The following BTBD9 variants were observed in gnomAD, a reference collection of about 807,000 sequenced individuals.
BTBD9 encodes BTB/POZ domain-containing protein 9.
Under a neutral mutation model 64.3 loss-of-function variants are expected in BTBD9, and 49 were observed. The observed-to-expected ratio is 0.76, with a 90% confidence interval of 0.61 to 0.97. BTBD9 has a LOEUF of 0.97. BTBD9 is among the 50% of genes least tolerant of loss of function. The probability of loss-of-function intolerance (pLI) is 0.00; values close to 1 mark genes in which losing one functional copy is unlikely to be tolerated. For synonymous variants in BTBD9, 260 were observed against 274.7 expected, an observed-to-expected ratio of 0.95 and a Z score of 0.53; for missense variants, 598 against 762.1, an observed-to-expected ratio of 0.78 and a Z score of 2.53.
intron 8 of BTBD9, among the ~76,000 whole-genome samples, chr6:38,276,346 T>G (rs1316432071): frequency 4.0e-5 from 5 of 123,578 alleles, no homozygotes; most frequent in East Asian, 3.1e-4. Flanking sequence ...CGGGGACTGT[T>G]GTGGGGTGGG....
chr6:38,632,729 C>T (rs1778403481), intron 1 of BTBD9, among the ~76,000 whole-genome samples: 1 of 151,958 alleles, frequency 6.6e-6, no homozygotes, highest in Non-Finnish European at 1.5e-5. Flanking sequence ...CCCAGGAGTT[C>T]AAGAACAGCC....
intron 6 of BTBD9, among the ~76,000 whole-genome samples, chr6:38,439,530 G>A (rs188000104): frequency 6.6e-6 from 1 of 152,028 alleles, no homozygotes; most frequent in Non-Finnish European, 1.5e-5. Flanking sequence ...GGGCTCAAGT[G>A]ATTCTCCTGC....
intron 6 of BTBD9, among the ~76,000 whole-genome samples, chr6:38,487,568 CGAGAGAGACAGA>C: frequency 9.4e-6 from 1 of 106,030 alleles, no homozygotes; most frequent in Admixed American, 1.1e-4. Flanking sequence ...GGTGACAGAG[CGAGAGAGACAGA>C]GAGAGAGTCA....
At chr6:38,381,054 G>C (rs996169169) in intron 6 of BTBD9, among the ~76,000 whole-genome samples, 4 of 151,918 alleles carry the variant, frequency 2.6e-5, no homozygotes, top group Admixed American at 6.6e-5. Context: ...AACATAAAAG[G>C]AGGAAAGAAT....
At chr6:38,334,007 T>C (rs1763783610) in intron 7 of BTBD9, among the ~76,000 whole-genome samples, 1 of 152,126 alleles carries the variant, frequency 6.6e-6, no homozygotes, top group African/African-American at 2.4e-5. Context: ...GACAGTGAAG[T>C]CCAGGCTGAG....
intron 9 of BTBD9, among the ~76,000 whole-genome samples, chr6:38,205,587 C>T (rs1446535664): frequency 2.6e-5 from 4 of 151,970 alleles, no homozygotes; most frequent in Non-Finnish European, 5.9e-5. Flanking sequence ...CCAATGCATT[C>T]ACAAGGAACT....
intron 6 of BTBD9, among the ~76,000 whole-genome samples, chr6:38,397,981 G>C (rs1766756821): frequency 6.6e-6 from 1 of 152,262 alleles, no homozygotes; most frequent in South Asian, 2.1e-4. Context: ...AGAGTAGAAG[G>C]AATGGAGCAG....
chr6:38,582,198 A>G (rs762968291), intron 4 of BTBD9, among the ~76,000 whole-genome samples: 78 of 152,232 alleles, frequency 5.1e-4, no homozygotes, highest in Non-Finnish European at 7.1e-4. Context: ...AAAACATCCT[A>G]GTTATGCTTA....
Position 38,210,536 on chromosome 6 carries a change from T to TTGTGTGTGTGTG in BTBD9, c.1563-17951_1563-17940dup, listed in dbSNP as rs71542165. The stretch of plus-strand genomic sequence containing the variant: ...AGTGGTGGTGGGAGAGTGCGTGTGT[T>TTGTGTGTGTGTG]TGTGTGTGTGTGTGTGTGTGTGTGT... On this transcript the variant is annotated intron_variant, in intron 9 of 10. Transcript: ENST00000481247. Among the ~76,000 whole-genome samples the TTGTGTGTGTGTG allele has an allele frequency of 4.8e-3, 708 of 146,434 alleles. 9 individuals are homozygous for TTGTGTGTGTGTG. The highest frequency in any genetic ancestry group is 0.016 in the African/African-American group (645 of 39,226).
chr6:38,201,549 C>T (rs1762463315), intron 9 of BTBD9, among the ~76,000 whole-genome samples: 1 of 152,174 alleles, frequency 6.6e-6, no homozygotes, highest in African/African-American at 2.4e-5. Context: ...TGGATGCCCA[C>T]TCTCACCACT....
At chr6:38,280,274 T>G (rs1761459508) in intron 8 of BTBD9, among the ~76,000 whole-genome samples, 1 of 152,150 alleles carries the variant, frequency 6.6e-6, no homozygotes, top group Admixed American at 6.5e-5. Flanking sequence ...ATAAAATTAT[T>G]TGCTGTATGA....
intron 4 of BTBD9, among the ~76,000 whole-genome samples, chr6:38,586,160 ACT>A (rs1776511654): frequency 6.6e-6 from 1 of 152,196 alleles, no homozygotes; most frequent in Admixed American, 6.5e-5. Context: ...ATGAAATATA[ACT>A]CAGCCTTAAC....
At chr6:38,465,753 A>ATATATATGTATG (rs1554158495) in intron 6 of BTBD9, among the ~76,000 whole-genome samples, 17 of 39,714 alleles carry the variant, frequency 4.3e-4, no homozygotes, top group Non-Finnish European at 6.7e-4. Flanking sequence ...ATATATATAT[A>ATATATATGTATG]TATGTATGTA....
intron 6 of BTBD9, among the ~76,000 whole-genome samples, chr6:38,535,474 A>G (rs561214819): frequency 1.3e-5 from 2 of 152,258 alleles, no homozygotes; most frequent in East Asian, 1.9e-4. Context: ...CAAAATACCA[A>G]TGACATTTTT....
chr6:38,378,265 A>G (rs1342039751), intron 6 of BTBD9, among the ~76,000 whole-genome samples: 1 of 144,568 alleles, frequency 6.9e-6, no homozygotes, highest in African/African-American at 2.6e-5. Flanking sequence ...TTTTTTTGAG[A>G]TGGAGTCTTG....
chr6:38,312,152 T>C (rs1406490208), intron 7 of BTBD9, among the ~76,000 whole-genome samples: 1 of 151,976 alleles, frequency 6.6e-6, no homozygotes, highest in Admixed American at 6.6e-5. Context: ...TGAGCCACCA[T>C]GCCCGGCCAA....
At chr6:38,480,736 T>A (rs555635596) in intron 6 of BTBD9, among the ~76,000 whole-genome samples, 1 of 152,224 alleles carries the variant, frequency 6.6e-6, no homozygotes, top group Admixed American at 6.5e-5. Context: ...GCCTGTCTTA[T>A]TCCCCACCTG....
intron 7 of BTBD9, among the ~76,000 whole-genome samples, chr6:38,321,811 T>G (rs1390257097): frequency 1.2e-5 from 1 of 85,066 alleles, no homozygotes; most frequent in African/African-American, 5.0e-5. Flanking sequence ...CATTCATTCC[T>G]TCTTGTTTTA....
chr6:38,376,337 A>G (rs1388630906), intron 6 of BTBD9, among the ~76,000 whole-genome samples: 1 of 152,174 alleles, frequency 6.6e-6, no homozygotes, highest in African/African-American at 2.4e-5. Context: ...CAAGGATGAA[A>G]ATTAATTTTA....
Sources: gnomAD v4.1 joint callset for allele counts (sites outside exome capture counted in the v4.1 genomes callset) on GRCh38, gnomAD v4.1.1 for gene constraint, MANE v1.5 for transcripts, NCBI Gene and HGNC (gene_info 2026-07-23, HGNC 2026-07-21) for gene names.